Variants in SIDT1 observed in about 807,000 individuals in gnomAD.
The protein encoded by SIDT1 is SID1 transmembrane family, member 1.
SIDT1 carries 101 observed loss-of-function variants against 107.5 expected under a neutral mutation model. The observed-to-expected ratio is 0.94, with a 90% CI of 0.80 to 1.11. The LOEUF is 1.11. SIDT1 is among the 50% of genes least tolerant of loss of function. SIDT1 has a pLI of 0.00. For missense variants in SIDT1, 1,076 were observed against 1,058.2 expected, an observed-to-expected ratio of 1.02 and a Z score of -0.23; for synonymous variants, 395 against 398.2, an observed-to-expected ratio of 0.99 and a Z score of 0.10.
chr3:113,581,753 A>G, intron 6 of SIDT1: 1 of 287,000 alleles, frequency 3.5e-6, no homozygotes, highest in Non-Finnish European at 6.7e-6. Flanking sequence ...CACACCTGCA[A>G]TCCCAGCTAC....
At chr3:113,550,797 T>C (rs2447042) in intron 1 of SIDT1, among the ~76,000 whole-genome samples, 5,878 of 152,220 alleles carry the variant, frequency 0.039, 207 homozygotes, top group African/African-American at 0.096. Context: ...ATGTGCAGGT[T>C]TGTTGTATAG....
At chr3:113,626,849 G>T (rs1362055809) in intron 24 of SIDT1, among the ~76,000 whole-genome samples, 1 of 152,052 alleles carries the variant, frequency 6.6e-6, no homozygotes, top group East Asian at 1.9e-4. Flanking sequence ...AGGTTCAATT[G>T]ACAATTAACA....
intron 19 of SIDT1, chr3:113,612,533 C>G: frequency 4.9e-6 from 2 of 407,556 alleles, no homozygotes; most frequent in South Asian, 3.8e-5. Context: ...CTAGTTCCAC[C>G]TAGAGGAACA....
At chr3:113,621,091 A>T (rs189665687) in intron 21 of SIDT1, among the ~76,000 whole-genome samples, 1 of 152,332 alleles carries the variant, frequency 6.6e-6, no homozygotes, top group Admixed American at 6.5e-5. Flanking sequence ...TGATATTTTA[A>T]AAAGAATTAC....
the SIDT1 span, among the ~76,000 whole-genome samples, chr3:113,635,808 A>G: frequency 2.6e-5 from 4 of 151,842 alleles, no homozygotes; most frequent in Non-Finnish European, 5.9e-5. Context: ...CGGAGGAGGC[A>G]GTGAGCCGAG....
rs79498348 is a variant in SIDT1, at chr3:113,597,631, C to T, written c.1046-3957C>T. Among the ~76,000 whole-genome samples the T allele has an allele frequency of 2.3e-3, 348 of 151,956 alleles. 1 individual carries two copies. The highest frequency in any genetic ancestry group is 6.8e-3 in the African/African-American group (281 of 41,484). ...CTATAAATATGAAGTCCCTGAAAGACGCAAACATGCTCAAAATGAAATGAA... is the reference window on the plus strand; with the variant it reads ...CTATAAATATGAAGTCCCTGAAAGATGCAAACATGCTCAAAATGAAATGAA... On this transcript the variant is annotated intron_variant, in intron 10 of 24. Transcript: ENST00000264852.
chr3:113,602,727 AT>A (rs1945046721), intron 11 of SIDT1: 1 of 270,232 alleles, frequency 3.7e-6, no homozygotes, highest in Non-Finnish European at 6.9e-6. Context: ...GTATAATATT[AT>A]TTTTGTATCC....
intron 10 of SIDT1, among the ~76,000 whole-genome samples, chr3:113,600,228 T>C (rs113706697): frequency 0.092 from 14,048 of 152,102 alleles, 1,820 homozygotes; most frequent in African/African-American, 0.29. Flanking sequence ...GAGAATCGCT[T>C]GAACCCGGGA....
chr3:113,565,389 A>G (rs1051674940), intron 1 of SIDT1, among the ~76,000 whole-genome samples: 2 of 152,052 alleles, frequency 1.3e-5, no homozygotes, highest in African/African-American at 4.8e-5. Context: ...AAAATTAGCC[A>G]GGCATGGTGG....
At chr3:113,563,548 T>C (rs1263021038) in intron 1 of SIDT1, among the ~76,000 whole-genome samples, 1 of 152,220 alleles carries the variant, frequency 6.6e-6, no homozygotes, top group Non-Finnish European at 1.5e-5. Context: ...ACCTGTTCAA[T>C]GACACTGCGG....
Position 113,608,205 on chromosome 3 carries a change from C to A in SIDT1, c.1590C>A (p.Asp530Glu). The A allele has an allele frequency of 6.3e-7, 1 of 1,597,592 alleles. No individual in the cohort carries two copies. The highest frequency in any genetic ancestry group is 8.5e-7 in the Non-Finnish European group (1 of 1,171,756). The change falls in exon 16 of 25, where the codon GAC (aspartate) becomes GAA (glutamate). Residue 530 changes from aspartate to glutamate, a missense_variant. By Grantham distance (45) the Asp-to-Glu change is conservative. Transcript: ENST00000264852. ...ATCGGAGAGCCCTGGAAGCCAAGGA[C>A]ATCTTTGCTGTGGTGAGGAAAGAGT... The part of the protein sequence containing the change: ...ILHRRALEAK[D>E]IFAVEYGIPK...
chr3:113,546,415 C>A (rs78608523), intron 1 of SIDT1, among the ~76,000 whole-genome samples: 6,407 of 152,112 alleles, frequency 0.042, 254 homozygotes, highest in African/African-American at 0.11. Flanking sequence ...GGGTTCTTCA[C>A]TTCTTGAAAG....
intron 1 of SIDT1, among the ~76,000 whole-genome samples, chr3:113,533,744 C>A (rs1438505706): frequency 6.6e-6 from 1 of 152,212 alleles, no homozygotes; most frequent in African/African-American, 2.4e-5. Flanking sequence ...AGCTGCAGAA[C>A]CTCTGTGCAT....
chr3:113,551,126 G>A (rs1158644692), intron 1 of SIDT1, among the ~76,000 whole-genome samples: 1 of 152,072 alleles, frequency 6.6e-6, no homozygotes, highest in Non-Finnish European at 1.5e-5. Context: ...AGTATTCCAT[G>A]GTGCATATAT....
At position 113,565,621 on chromosome 3, in the gene SIDT1, G is replaced by A. The variant is rs187042251; in HGVS notation, c.223-799G>A. Among the ~76,000 whole-genome samples, 22 of 152,214 alleles carry A rather than the reference G, an allele frequency of 1.4e-4. No homozygotes were observed. In the East Asian group the frequency reaches 3.5e-3, roughly 24 times the overall value. On this transcript the variant is annotated intron_variant, in intron 1 of 24. Coordinates refer to ENST00000264852, the MANE Select transcript of SIDT1 (RefSeq NM_017699.3). ...CCTGTCTTTAAAATAACCATAATAG[G>A]GTTAAATTATTGGGTTGATATGTGT...
downstream of SIDT1, among the ~76,000 whole-genome samples, chr3:113,634,525 G>C (rs1005783328): frequency 3.3e-5 from 5 of 152,134 alleles, no homozygotes; most frequent in Non-Finnish European, 7.3e-5. Flanking sequence ...GCCCGGCACA[G>C]TGGCCCACAC....
At chr3:113,606,345 C>T (rs1487055146) in intron 14 of SIDT1, 2 of 152,218 alleles carry the variant, frequency 1.3e-5, no homozygotes, top group Admixed American at 6.5e-5. Context: ...AGATCAGAGT[C>T]CCTGAGGGTG....
At chr3:113,620,924 C>T (rs1265323772) in intron 21 of SIDT1, among the ~76,000 whole-genome samples, 3 of 152,276 alleles carry the variant, frequency 2.0e-5, no homozygotes, top group African/African-American at 7.2e-5. Flanking sequence ...GATCTGCTCA[C>T]AAGACAAGGC....
intron 1 of SIDT1, among the ~76,000 whole-genome samples, chr3:113,562,223 G>A (rs1241770010): frequency 2.0e-5 from 3 of 152,202 alleles, no homozygotes; most frequent in East Asian, 1.9e-4. Context: ...TGGCAAGGAT[G>A]TAGAGAAACT....
Sources: allele counts gnomAD v4.1 joint callset (sites outside exome capture counted in the v4.1 genomes callset), GRCh38; gene constraint gnomAD v4.1.1; transcripts MANE v1.5; gene names NCBI Gene and HGNC (gene_info 2026-07-23, HGNC 2026-07-21).